Variants in RCBTB2 observed in about 807,000 individuals in gnomAD.
The protein encoded by RCBTB2 is RCC1 and BTB domain-containing protein 2.
RCBTB2 carries 55 observed loss-of-function variants against 65.4 expected under a neutral mutation model. The observed-to-expected ratio is 0.84, with a 90% CI of 0.68 to 1.05. The LOEUF is 1.05. RCBTB2 is among the 50% of genes least tolerant of loss of function. The pLI is 0.00. For synonymous variants in RCBTB2, 220 were observed against 255.2 expected (o/e 0.86, Z 1.31); for missense variants, 599 against 680.1 (o/e 0.88, Z 1.33).
At chr13:48,515,925 G>A (rs982698518) in intron 4 of RCBTB2, among the ~76,000 whole-genome samples, 184 bp from the exon 5 acceptor site, 4 of 152,226 alleles carry the variant, frequency 2.6e-5, no homozygotes, top group Non-Finnish European at 4.4e-5. Context: ...CACAGCCATC[G>A]AGCAGCGGAG....
chr13:48,532,754 CGCATGCGCAGGGCCG>C, intron 1 of RCBTB2: 1 of 303,924 alleles, frequency 3.3e-6, no homozygotes, highest in Non-Finnish European at 6.5e-6. Context: ...AGCGGAATTG[CGCATGCGCAGGGCCG>C]CCTCTGCCTG....
In RCBTB2 at chr13:48,499,752, T is replaced by C. The variant is rs1322900855; in HGVS notation, c.1253A>G (p.His418Arg). 6.2e-7 allele frequency: 1 copy of C among 1,614,156 alleles called. No individual in the cohort carries two copies. The highest frequency in any genetic ancestry group is 1.7e-5 in the Admixed American group (1 of 60,022). Residue 418 changes from histidine to arginine, a missense_variant, in exon 13 of 15, where the codon CAT becomes CGT. Physicochemically the swap from His to Arg is conservative, Grantham distance 29 (BLOSUM62 0). Coordinates refer to ENST00000344532, the MANE Select transcript of RCBTB2 (RefSeq NM_001268.4). Reference protein sequence around the residue: ...HKVLLKIRCEHFRSSLEDNED... With the variant: ...HKVLLKIRCERFRSSLEDNED... The stretch of plus-strand genomic sequence containing the variant: ...GTTATCTTCCAATGACGAACGAAAA[T>C]GCTCACATCTGAAGGAAAAAAGCAG...
intron 14 of RCBTB2, among the ~76,000 whole-genome samples, chr13:48,495,491 C>G (rs996193777): frequency 6.6e-5 from 10 of 152,238 alleles, no homozygotes; most frequent in African/African-American, 2.4e-4. Context: ...TCACACTAAC[C>G]TTTTTCTGAT....
intron 14 of RCBTB2, among the ~76,000 whole-genome samples, chr13:48,493,340 C>CTCTCTCTCTCT (rs756141334): frequency 8.1e-6 from 1 of 123,650 alleles, no homozygotes; most frequent in Non-Finnish European, 1.7e-5. Flanking sequence ...CTCTCTCTCT[C>CTCTCTCTCTCT]TTCTCTTCTC....
At chr13:48,510,462 A>C (rs1950719687) in intron 10 of RCBTB2, among the ~76,000 whole-genome samples, 167 bp downstream of exon 10, 1 of 152,236 alleles carries the variant, frequency 6.6e-6, no homozygotes, top group African/African-American at 2.4e-5. Context: ...ACATACAATC[A>C]ACCTCCCCAA....
At chr13:48,535,021 T>G (rs1952343939), upstream of RCBTB2, among the ~76,000 whole-genome samples, 1 of 152,216 alleles carries the variant, frequency 6.6e-6, no homozygotes, top group Non-Finnish European at 1.5e-5. Flanking sequence ...AGTCTCAAGG[T>G]TTTCACTCAG....
At chr13:48,523,157 T>C (rs1951518584) in intron 2 of RCBTB2, among the ~76,000 whole-genome samples, 1 of 152,200 alleles carries the variant, frequency 6.6e-6, no homozygotes, top group African/African-American at 2.4e-5. Flanking sequence ...TGGAAAGATA[T>C]TCTGTCATTT....
upstream of RCBTB2, among the ~76,000 whole-genome samples, chr13:48,533,696 C>G (rs938898540): frequency 8.5e-5 from 13 of 152,192 alleles, no homozygotes; most frequent in African/African-American, 3.1e-4. Flanking sequence ...TTATATTTTG[C>G]AGTAATTTAT....
At chr13:48,493,315 A>ACACCCTCTCTCTCTCTCT (rs759504798) in intron 14 of RCBTB2, among the ~76,000 whole-genome samples, 1 of 75,028 alleles carries the variant, frequency 1.3e-5, no homozygotes, top group Non-Finnish European at 2.5e-5. Flanking sequence ...ACACACACAC[A>ACACCCTCTCTCTCTCTCT]CTCTCTCTCT....
At chr13:48,530,695 G>C (rs374152919) in intron 1 of RCBTB2, among the ~76,000 whole-genome samples, 1 of 152,198 alleles carries the variant, frequency 6.6e-6, no homozygotes, top group African/African-American at 2.4e-5. Context: ...TGGAGACAAC[G>C]TACAGTTTTT....
chr13:48,508,211 TGACATATAC>T (rs1317091260), intron 10 of RCBTB2, among the ~76,000 whole-genome samples: 1 of 152,174 alleles, frequency 6.6e-6, no homozygotes, highest in African/African-American at 2.4e-5. Flanking sequence ...GGATAAGTTA[TGACATATAC>T]TTGACTTTCC....
intron 11 of RCBTB2, among the ~76,000 whole-genome samples, chr13:48,502,253 G>A (rs1950270207): frequency 6.6e-6 from 1 of 152,118 alleles, no homozygotes; most frequent in Non-Finnish European, 1.5e-5. Context: ...CTTTGGCAGG[G>A]GCAGAGACAG....
At chr13:48,524,961 T>A (rs1285701630) in intron 1 of RCBTB2, among the ~76,000 whole-genome samples, 2 of 152,070 alleles carry the variant, frequency 1.3e-5, no homozygotes, top group African/African-American at 2.4e-5. Flanking sequence ...CTTTAGAATA[T>A]CATACTTTAT....
rs554817596 is a variant in RCBTB2 at position 48,532,741 on chromosome 13, G to C, written c.-219+287C>G. 6.6e-3 allele frequency: 1,971 copies of C among 298,742 alleles called. 13 individuals are homozygous for C. The highest frequency in any genetic ancestry group is 0.01 in the Middle Eastern group (8 of 792). The allele number at this position is 298,742 out of a possible 1,614,324, so 18.5% of individuals were successfully genotyped here. On this transcript the variant is annotated intron_variant, in intron 1 of 14. Transcript: ENST00000344532. ...GTCGCGAGCAGCGCACCGGGCCCAC[G>C]CCAGCGGAATTGCGCATGCGCAGGG...
chr13:48,528,081 A>ATAT (rs1489726680), intron 1 of RCBTB2, among the ~76,000 whole-genome samples: 1 of 152,220 alleles, frequency 6.6e-6, no homozygotes, highest in Non-Finnish European at 1.5e-5. Context: ...CATTCAACAA[A>ATAT]TATTAATTCA....
intron 1 of RCBTB2, chr13:48,532,761 G>A: frequency 3.3e-6 from 1 of 305,918 alleles, no homozygotes; most frequent in African/African-American, 2.3e-5. Flanking sequence ...TTGCGCATGC[G>A]CAGGGCCGCC....
intron 14 of RCBTB2, among the ~76,000 whole-genome samples, chr13:48,493,323 T>A (rs867994643): frequency 0.014 from 1,680 of 121,160 alleles, 60 homozygotes; most frequent in African/African-American, 0.073. Flanking sequence ...ACACTCTCTC[T>A]CTCTCTCTCT....
At chr13:48,492,706 G>C (rs912351907) in intron 14 of RCBTB2, 1 of 152,706 alleles carries the variant, frequency 6.5e-6, no homozygotes, top group Non-Finnish European at 1.5e-5. Context: ...CAGCCTGCAG[G>C]AAACGGTCTG....
At chr13:48,507,627 G>A (rs1387300097) in intron 10 of RCBTB2, among the ~76,000 whole-genome samples, 1 of 152,194 alleles carries the variant, frequency 6.6e-6, no homozygotes, top group Non-Finnish European at 1.5e-5. Context: ...CTTGAGGGGG[G>A]TGAAAGGTCA....
Sources: gnomAD v4.1 joint callset for allele counts (sites outside exome capture counted in the v4.1 genomes callset) on GRCh38, gnomAD v4.1.1 for gene constraint, MANE v1.5 for transcripts, NCBI Gene and HGNC (gene_info 2026-07-23, HGNC 2026-07-21) for gene names.